The following NAV2 variants were observed in gnomAD, a reference collection of about 807,000 sequenced individuals.
The protein encoded by NAV2 is neuron navigator 2.
NAV2 carries 54 observed loss-of-function variants against 223.2 expected under a neutral mutation model. That is an observed-to-expected ratio of 0.24 (90% CI 0.19 to 0.30). The LOEUF is 0.30. Among genes scored for constraint, NAV2 ranks in the 10% least tolerant of loss-of-function variants. The pLI is 1.00. For missense variants in NAV2, 2,806 were observed against 3,147.5 expected (o/e 0.89, Z 2.60); for synonymous variants, 1,279 against 1,239.3 (o/e 1.03, Z -0.67).
intron 1 of NAV2, among the ~76,000 whole-genome samples, chr11:19,627,198 G>A (rs965534631): frequency 2.6e-5 from 4 of 152,294 alleles, no homozygotes; most frequent in Non-Finnish European, 5.9e-5. Flanking sequence ...GACCAGCCTA[G>A]CCAACATGGC....
At chr11:20,115,725 C>A (rs1222629882) in intron 37 of NAV2, among the ~76,000 whole-genome samples, 3 of 148,928 alleles carry the variant, frequency 2.0e-5, no homozygotes, top group Non-Finnish European at 4.4e-5. Context: ...ACAGCCTGGG[C>A]AACGTAACAA....
chr11:19,547,383 G>A (rs1034067931), intron 1 of NAV2, among the ~76,000 whole-genome samples: 4 of 152,186 alleles, frequency 2.6e-5, no homozygotes, highest in Non-Finnish European at 5.9e-5. Context: ...CAAAACTGCT[G>A]ACACCAAAAT....
chr11:19,938,892 C>T (rs1057207803), intron 7 of NAV2, among the ~76,000 whole-genome samples: 3 of 152,188 alleles, frequency 2.0e-5, no homozygotes, highest in Non-Finnish European at 2.9e-5. Context: ...GTAGTGAAAT[C>T]GGTTGAATTA....
At chr11:19,352,698 G>A (rs1182786648) in intron 1 of NAV2, among the ~76,000 whole-genome samples, 3 of 152,186 alleles carry the variant, frequency 2.0e-5, no homozygotes, top group East Asian at 3.8e-4. Flanking sequence ...TCTCACTTGT[G>A]CTGGCAAAAT....
chr11:19,790,264 G>C (rs1030111163), intron 1 of NAV2, among the ~76,000 whole-genome samples: 4 of 152,180 alleles, frequency 2.6e-5, no homozygotes, highest in African/African-American at 4.8e-5. Flanking sequence ...ACCATATACT[G>C]TTAGAACTGC....
intron 1 of NAV2, among the ~76,000 whole-genome samples, chr11:19,422,488 G>A (rs1312588554): frequency 3.3e-5 from 5 of 152,314 alleles, no homozygotes; most frequent in African/African-American, 9.6e-5. Context: ...CCAGCAGAGC[G>A]TGGCTGGTCT....
chr11:19,782,272 A>G (rs2056809532), intron 1 of NAV2, among the ~76,000 whole-genome samples: 2 of 152,184 alleles, frequency 1.3e-5, no homozygotes, highest in African/African-American at 4.8e-5. Flanking sequence ...CTGAATTGAA[A>G]CCAAAGCATG....
intron 11 of NAV2, among the ~76,000 whole-genome samples, chr11:19,993,622 C>T (rs1004722409): frequency 2.6e-5 from 4 of 152,104 alleles, no homozygotes; most frequent in South Asian, 2.1e-4. Context: ...CAGTTCATCA[C>T]GTATTTACTG....
intron 1 of NAV2, among the ~76,000 whole-genome samples, chr11:19,443,124 C>A (rs896573699): frequency 6.6e-6 from 1 of 152,216 alleles, no homozygotes; most frequent in Non-Finnish European, 1.5e-5. Context: ...CTTCCTTCTT[C>A]CTGAAGTCAC....
chr11:20,092,127 C>T (rs1039887120), intron 27 of NAV2, 79 bp from the exon 28 acceptor site: 4 of 1,449,158 alleles, frequency 2.8e-6, no homozygotes, highest in Non-Finnish European at 3.8e-6. Flanking sequence ...CTGCAGGGAA[C>T]TTTCAGATCC....
chr11:19,565,530 CAGGACATCTG>C (rs1455526668), intron 1 of NAV2, among the ~76,000 whole-genome samples: 3 of 152,178 alleles, frequency 2.0e-5, no homozygotes, highest in African/African-American at 7.2e-5. Flanking sequence ...ACCCAGGAGT[CAGGACATCTG>C]AGGAAGGGCT....
At position 19,982,820 on chromosome 11, in the gene NAV2, T is replaced by A. The variant is rs561023575; in HGVS notation, c.2646-1305T>A. 2.0e-5 allele frequency among the ~76,000 whole-genome samples: 3 copies of A among 152,284 alleles called. No individual in the cohort carries two copies. The East Asian group carries it at 5.8e-4, about 29-fold the overall frequency. ...TCGTCTGCATCTCATAATTCTGTTC[T>A]TGAAAAATATATCCTAAAAAGGTCC... On this transcript the variant is annotated intron_variant, in intron 10 of 37. Transcript: ENST00000349880.
At chr11:19,396,033 A>G (rs1371235401) in intron 1 of NAV2, among the ~76,000 whole-genome samples, 2 of 152,098 alleles carry the variant, frequency 1.3e-5, no homozygotes, top group Admixed American at 6.5e-5. Flanking sequence ...GATAATGCCT[A>G]CCTCCTGGGA....
intron 1 of NAV2, among the ~76,000 whole-genome samples, chr11:19,508,704 A>C (rs2043192643): frequency 6.6e-6 from 1 of 152,234 alleles, no homozygotes; most frequent in Non-Finnish European, 1.5e-5. Flanking sequence ...TAATTAAATG[A>C]TTATGAGTAT....
chr11:19,540,969 A>G (rs1449494687), intron 1 of NAV2, among the ~76,000 whole-genome samples: 6 of 152,220 alleles, frequency 3.9e-5, no homozygotes, highest in African/African-American at 2.4e-5. Flanking sequence ...AGAGAATACA[A>G]GAGAAAAGAA....
At chr11:19,437,987 T>C (rs1246000579) in intron 1 of NAV2, among the ~76,000 whole-genome samples, 9 of 152,222 alleles carry the variant, frequency 5.9e-5, no homozygotes, top group Admixed American at 5.9e-4. Flanking sequence ...GGTGATTTAA[T>C]GTCTCTGGAA....
intron 3 of NAV2, 99 bp from the exon 4 acceptor site, chr11:19,868,826 C>G: frequency 8.3e-7 from 1 of 1,201,062 alleles, no homozygotes; most frequent in South Asian, 1.3e-5. Flanking sequence ...GTTCATCGGC[C>G]GTTTTTACAG....
intron 1 of NAV2, among the ~76,000 whole-genome samples, chr11:19,719,044 A>G (rs1003120955): frequency 1.3e-5 from 2 of 152,176 alleles, no homozygotes; most frequent in African/African-American, 4.8e-5. Flanking sequence ...TCTGGGTCCC[A>G]TATTATTTAC....
At chr11:19,809,875 G>A (rs1285020221) in intron 1 of NAV2, among the ~76,000 whole-genome samples, 2 of 152,198 alleles carry the variant, frequency 1.3e-5, no homozygotes, top group African/African-American at 4.8e-5. Context: ...CAGAGGTAAA[G>A]TGACATTTTT....
Sources: gnomAD v4.1 joint callset for allele counts (sites outside exome capture counted in the v4.1 genomes callset) on GRCh38, gnomAD v4.1.1 for gene constraint, MANE v1.5 for transcripts, NCBI Gene and HGNC (gene_info 2026-07-23, HGNC 2026-07-21) for gene names.